The following DIP2C variants were observed in gnomAD, a reference collection of about 807,000 sequenced individuals.
The protein encoded by DIP2C is disco-interacting protein 2 homolog C.
DIP2C carries 33 observed loss-of-function variants against 192.4 expected under a neutral mutation model. The observed-to-expected ratio is 0.17, with a 90% CI of 0.13 to 0.23. The LOEUF is 0.23. DIP2C is among the 10% of genes least tolerant of loss of function. The pLI, the probability that DIP2C is intolerant of heterozygous loss-of-function variation, is 1.00. For missense variants in DIP2C, 1,537 were observed against 2,110.1 expected, an observed-to-expected ratio of 0.73 and a Z score of 5.32; for synonymous variants, 979 against 864.1, an observed-to-expected ratio of 1.13 and a Z score of -2.33.
intron 29 of DIP2C, among the ~76,000 whole-genome samples, chr10:340,299 A>C (rs1449010267): frequency 6.6e-6 from 1 of 152,010 alleles, no homozygotes; most frequent in East Asian, 1.9e-4. Flanking sequence ...ATGTGTAAAG[A>C]AGATTTATGA....
intron 1 of DIP2C, among the ~76,000 whole-genome samples, chr10:501,072 G>C (rs1446922962): frequency 6.6e-6 from 1 of 152,188 alleles, no homozygotes; most frequent in Admixed American, 6.5e-5. Flanking sequence ...CTTTCTCTGA[G>C]GCCAGTGAGC....
intron 1 of DIP2C, among the ~76,000 whole-genome samples, chr10:675,028 A>G (rs905749742): frequency 2.6e-5 from 4 of 152,096 alleles, no homozygotes; most frequent in African/African-American, 9.7e-5. Flanking sequence ...TCTAGAATCA[A>G]TCACATGCTA....
chr10:287,841 T>G (rs1297818857), intron 33 of DIP2C, among the ~76,000 whole-genome samples: 1 of 152,190 alleles, frequency 6.6e-6, no homozygotes, highest in Non-Finnish European at 1.5e-5. Flanking sequence ...TAGTAATAGA[T>G]ACCCTGATTT....
At chr10:595,098 C>T (rs1008426999) in intron 1 of DIP2C, among the ~76,000 whole-genome samples, 33 of 152,276 alleles carry the variant, frequency 2.2e-4, no homozygotes, top group African/African-American at 7.2e-4. Context: ...CCTGGGCACT[C>T]GGGACAAGAG....
intron 1 of DIP2C, among the ~76,000 whole-genome samples, chr10:634,803 C>A (rs567251723): frequency 6.6e-6 from 1 of 152,102 alleles, no homozygotes; most frequent in African/African-American, 2.4e-5. Flanking sequence ...ATGATTCTCA[C>A]GACACTGTCA....
intron 6 of DIP2C, among the ~76,000 whole-genome samples, chr10:417,290 T>C (rs1312371544): frequency 6.6e-6 from 1 of 152,102 alleles, no homozygotes; most frequent in African/African-American, 2.4e-5. Flanking sequence ...TGTGGGATTC[T>C]GGTGTGGGAG....
intron 1 of DIP2C, among the ~76,000 whole-genome samples, chr10:617,370 T>C (rs1369278215): frequency 6.6e-6 from 1 of 151,914 alleles, no homozygotes; most frequent in Non-Finnish European, 1.5e-5. Flanking sequence ...ATTTCTCAAA[T>C]GTGAGATGGG....
chr10:320,834 A>G (rs141152192), intron 31 of DIP2C, among the ~76,000 whole-genome samples: 32 of 152,358 alleles, frequency 2.1e-4, no homozygotes, highest in African/African-American at 7.5e-4. Flanking sequence ...GGACATGGTG[A>G]TAAATAATTA....
At chr10:312,149 GT>G (rs1956593144) in intron 31 of DIP2C, among the ~76,000 whole-genome samples, 1 of 152,302 alleles carries the variant, frequency 6.6e-6, no homozygotes, top group Admixed American at 6.5e-5. Flanking sequence ...CTCAGGAGGA[GT>G]TTCCACCCCA....
intron 4 of DIP2C, among the ~76,000 whole-genome samples, chr10:426,020 T>C (rs1383941107): frequency 6.6e-6 from 1 of 152,194 alleles, no homozygotes; most frequent in East Asian, 1.9e-4. Flanking sequence ...GCTAGTGAAA[T>C]AAATTAACAA....
intron 1 of DIP2C, among the ~76,000 whole-genome samples, chr10:598,704 C>T (rs1008005177): frequency 2.6e-5 from 4 of 152,172 alleles, no homozygotes; most frequent in East Asian, 3.9e-4. Flanking sequence ...AAATCCACAC[C>T]GTGGCTTGTG....
chr10:309,707 C>T (rs925830067), intron 32 of DIP2C, among the ~76,000 whole-genome samples: 11 of 152,138 alleles, frequency 7.2e-5, no homozygotes, highest in Admixed American at 2.6e-4. Flanking sequence ...GACAAGTGCC[C>T]GCCACCAAAC....
intron 1 of DIP2C, among the ~76,000 whole-genome samples, chr10:616,838 C>T (rs561516581): frequency 2.6e-5 from 4 of 152,294 alleles, no homozygotes; most frequent in Non-Finnish European, 5.9e-5. Context: ...CGCCCATCAG[C>T]GAGAGGCCGC....
intron 1 of DIP2C, among the ~76,000 whole-genome samples, chr10:672,472 G>C (rs1488877280): frequency 1.3e-5 from 2 of 152,254 alleles, no homozygotes; most frequent in African/African-American, 2.4e-5. Context: ...GCCCACCCCA[G>C]AGGCGAGGCT....
At chr10:391,542 G>C (rs1963456965) in intron 10 of DIP2C, among the ~76,000 whole-genome samples, 1 of 152,218 alleles carries the variant, frequency 6.6e-6, no homozygotes, top group Admixed American at 6.5e-5. Context: ...CGTCACTCCT[G>C]TCCAGCTGCC....
chr10:567,696 G>T (rs1007093426), intron 1 of DIP2C, among the ~76,000 whole-genome samples: 61 of 152,162 alleles, frequency 4.0e-4, no homozygotes, highest in Non-Finnish European at 1.5e-4. Flanking sequence ...GGAATGCAGT[G>T]GTGTGATCTC....
chr10:624,786 A>T (rs1441255662), intron 1 of DIP2C, among the ~76,000 whole-genome samples: 1 of 152,192 alleles, frequency 6.6e-6, no homozygotes, highest in Non-Finnish European at 1.5e-5. Flanking sequence ...TGACTGACAC[A>T]TGAACCCTCC....
rs114725016 is a variant in DIP2C, at chr10:459,499, G to A, written c.268+12940C>T. On this transcript the variant is annotated intron_variant, in intron 3 of 36. Coordinates refer to ENST00000280886, the MANE Select transcript of DIP2C (RefSeq NM_014974.3). ...AGTTCTTAGTTCATCAAAAGACACA[G>A]CAGTAGCTCCACCCACATCACAGAA... Among the ~76,000 whole-genome samples the A allele has an allele frequency of 5.5e-4, 84 of 152,354 alleles. 1 individual carries two copies. The highest frequency in any genetic ancestry group is 2.0e-3 in the African/African-American group (82 of 41,590).
At chr10:646,501 G>A (rs1283738925) in intron 1 of DIP2C, among the ~76,000 whole-genome samples, 1 of 152,258 alleles carries the variant, frequency 6.6e-6, no homozygotes, top group African/African-American at 2.4e-5. Flanking sequence ...GCTCCTGCCG[G>A]CCTGCAGGAT....
Sources: allele counts gnomAD v4.1 joint callset (sites outside exome capture counted in the v4.1 genomes callset), GRCh38; gene constraint gnomAD v4.1.1; transcripts MANE v1.5; gene names NCBI Gene and HGNC (gene_info 2026-07-23, HGNC 2026-07-21).